Variants in CNIH3 observed in about 807,000 individuals in gnomAD.
CNIH3 encodes protein cornichon homolog 3.
In CNIH3, 14 loss-of-function variants were observed where a neutral mutation model predicts 24.1. The observed-to-expected ratio is 0.58, with a 90% CI of 0.38 to 0.91. CNIH3 has a LOEUF of 0.91. CNIH3 is among the 40% of genes least tolerant of loss of function. The pLI is 0.00. For synonymous variants in CNIH3, 68 were observed against 73.8 expected (o/e 0.92, Z 0.40); for missense variants, 178 against 196.8 (o/e 0.90, Z 0.57).
chr1:224,467,796 T>G (rs1400971266), intron 1 of CNIH3, among the ~76,000 whole-genome samples: 1 of 152,000 alleles, frequency 6.6e-6, no homozygotes, highest in South Asian at 2.1e-4. Flanking sequence ...CCTCCTGTTT[T>G]TTTTTTTTCC....
chr1:224,606,656 G>T (rs1357562165), intron 3 of CNIH3, among the ~76,000 whole-genome samples: 5 of 152,180 alleles, frequency 3.3e-5, no homozygotes, highest in African/African-American at 1.2e-4. Context: ...TGGGCTACAG[G>T]TCCTGGCTTG....
intron 2 of CNIH3, among the ~76,000 whole-genome samples, chr1:224,530,921 C>A (rs1322422447): frequency 6.6e-6 from 1 of 152,154 alleles, no homozygotes; most frequent in Non-Finnish European, 1.5e-5. Context: ...TTACTGTAAA[C>A]CCAGCATTAT....
chr1:224,552,156 G>GT (rs1318471910), intron 3 of CNIH3, among the ~76,000 whole-genome samples: 2 of 151,366 alleles, frequency 1.3e-5, no homozygotes, highest in African/African-American at 4.9e-5. Flanking sequence ...ATCACAGGGT[G>GT]TATACCCCCT....
chr1:224,722,322 A>G (rs1009513545), intron 3 of CNIH3, among the ~76,000 whole-genome samples: 6 of 152,150 alleles, frequency 3.9e-5, no homozygotes, highest in African/African-American at 1.4e-4. Context: ...CAGATTCTTG[A>G]CCCAGAGAAT....
chr1:224,618,140 G>A (rs891410595), intron 1 of CNIH3, among the ~76,000 whole-genome samples: 2 of 152,236 alleles, frequency 1.3e-5, no homozygotes, highest in South Asian at 2.1e-4. Context: ...GCGCGCAGGA[G>A]TGCGTACGCC....
intron 4 of CNIH3, among the ~76,000 whole-genome samples, chr1:224,733,561 C>T (rs1437556721): frequency 1.3e-5 from 2 of 152,180 alleles, no homozygotes; most frequent in Non-Finnish European, 2.9e-5. Flanking sequence ...GCTGAGATTC[C>T]GGATCTGCGA....
intron 1 of CNIH3, among the ~76,000 whole-genome samples, chr1:224,626,580 G>A (rs1393464892): frequency 6.6e-6 from 1 of 152,220 alleles, no homozygotes; most frequent in East Asian, 1.9e-4. Flanking sequence ...GGCATTAAAA[G>A]ACTTGAGAAT....
intron 1 of CNIH3, among the ~76,000 whole-genome samples, chr1:224,481,040 T>A (rs916088081): frequency 2.6e-5 from 4 of 152,252 alleles, no homozygotes; most frequent in African/African-American, 9.6e-5. Flanking sequence ...GGACTTACAG[T>A]TCCACGTGCC....
intron 3 of CNIH3, among the ~76,000 whole-genome samples, chr1:224,600,762 G>A (rs376396706): frequency 1.3e-5 from 2 of 152,300 alleles, no homozygotes; most frequent in African/African-American, 4.8e-5. Flanking sequence ...ACTGTATTTG[G>A]AGAAAGTCCC....
intron 2 of CNIH3, among the ~76,000 whole-genome samples, chr1:224,532,169 G>T (rs746172512): frequency 6.6e-6 from 1 of 152,082 alleles, no homozygotes; most frequent in East Asian, 1.9e-4. Context: ...TAAATAGAGC[G>T]ATCAAGGTAG....
chr1:224,681,141 C>A, intron 2 of CNIH3, 115 bp downstream of exon 2: 1 of 852,816 alleles, frequency 1.2e-6, no homozygotes, highest in Non-Finnish European at 2.0e-6. Flanking sequence ...CTCGCCCTCA[C>A]TGTGCCTCTC....
At chr1:224,553,191 T>C (rs1306277461) in intron 3 of CNIH3, among the ~76,000 whole-genome samples, 1 of 148,876 alleles carries the variant, frequency 6.7e-6, no homozygotes, top group African/African-American at 2.5e-5. Context: ...ATGAATAATA[T>C]CACAGGGGGT....
upstream of CNIH3, chr1:224,513,703 A>G (rs1678264212): frequency 2.0e-5 from 3 of 152,246 alleles, no homozygotes; most frequent in Admixed American, 1.3e-4. Context: ...ATATAGTGGC[A>G]TGAAGGAGGA....
intron 1 of CNIH3, among the ~76,000 whole-genome samples, chr1:224,659,081 T>C (rs1685225387): frequency 6.6e-6 from 1 of 152,222 alleles, no homozygotes; most frequent in Non-Finnish European, 1.5e-5. Flanking sequence ...AAATTGGCCT[T>C]GCAATCTCAC....
intron 1 of CNIH3, among the ~76,000 whole-genome samples, chr1:224,493,699 T>A (rs1380877773): frequency 6.6e-6 from 1 of 152,176 alleles, no homozygotes; most frequent in African/African-American, 2.4e-5. Context: ...ATAATTCAGG[T>A]CACTCTCATT....
intron 1 of CNIH3, among the ~76,000 whole-genome samples, chr1:224,656,956 C>A (rs1685126443): frequency 6.6e-6 from 1 of 152,204 alleles, no homozygotes; most frequent in Non-Finnish European, 1.5e-5. Context: ...AGAGGCAAGA[C>A]CTTTTCCTAG....
chr1:224,502,367 GAGA>G (rs1309535923), intron 1 of CNIH3, among the ~76,000 whole-genome samples: 1 of 152,186 alleles, frequency 6.6e-6, no homozygotes, highest in African/African-American at 2.4e-5. Context: ...GAGGAAAGAG[GAGA>G]AGGGCAGCCT....
At chr1:224,455,819 C>G (rs766137937) in intron 1 of CNIH3, among the ~76,000 whole-genome samples, 52 of 152,120 alleles carry the variant, frequency 3.4e-4, no homozygotes, top group Non-Finnish European at 5.7e-4. Flanking sequence ...AATGGTGGTC[C>G]AGGTATAAAC....
At chr1:224,725,526 G>T (rs565590118) in intron 3 of CNIH3, among the ~76,000 whole-genome samples, 2 of 152,300 alleles carry the variant, frequency 1.3e-5, no homozygotes, top group South Asian at 4.2e-4. Flanking sequence ...TTCAGAGATG[G>T]GTAGAGACTC....
Sources: allele counts gnomAD v4.1 joint callset (sites outside exome capture counted in the v4.1 genomes callset), GRCh38; gene constraint gnomAD v4.1.1; transcripts MANE v1.5; gene names NCBI Gene and HGNC (gene_info 2026-07-23, HGNC 2026-07-21).